The following ANKRD22 variants were observed in gnomAD, a reference collection of about 807,000 sequenced individuals.
The protein encoded by ANKRD22 is ankyrin repeat domain 22, also known as ankyrin repeat domain-containing protein 22.
Under a neutral mutation model 25.7 loss-of-function variants are expected in ANKRD22, and 24 were observed. The observed-to-expected ratio is 0.93, with a 90% confidence interval of 0.68 to 1.31. The LOEUF is 1.31. ANKRD22 is among the 50% of genes most tolerant of loss of function. The pLI is 0.00. For missense variants in ANKRD22, 214 were observed against 227.1 expected (o/e 0.94, Z 0.37); for synonymous variants, 84 against 84.3 (o/e 1.00, Z 0.02).
At chr10:88,841,301 G>A (rs1467408627) in intron 1 of ANKRD22, among the ~76,000 whole-genome samples, 1 of 151,994 alleles carries the variant, frequency 6.6e-6, no homozygotes, top group African/African-American at 2.4e-5. Flanking sequence ...CACCACAGAG[G>A]TATTCACAGA....
intron 1 of ANKRD22, among the ~76,000 whole-genome samples, chr10:88,834,933 A>C (rs1346084241): frequency 6.6e-6 from 1 of 151,608 alleles, no homozygotes; most frequent in Non-Finnish European, 1.5e-5. Context: ...TGCCTCAAAA[A>C]AAGAAAAAAA....
rs59890033 is a variant in ANKRD22, at chr10:88,822,566, T to TTTTTTTTTTTTTTTTTTTTTTTTTA, written c.*374_*375insTAAAAAAAAAAAAAAAAAAAAAAAA. ...GGGCTTTTTTTTTTTTTTTTTTTTT[T>TTTTTTTTTTTTTTTTTTTTTTTTTA]GAGACAGGGTCTCGCTGTGTTGCCC... On this transcript the variant is annotated 3_prime_UTR_variant, in exon 6 of 6. Coordinates refer to ENST00000371930, the MANE Select transcript of ANKRD22 (RefSeq NM_144590.3). 1 of 138,278 alleles carries TTTTTTTTTTTTTTTTTTTTTTTTTA rather than the reference T, an allele frequency of 7.2e-6. No homozygotes were observed. The highest frequency in any genetic ancestry group is 1.5e-5 in the Non-Finnish European group (1 of 65,436). The allele number at this position is 138,278 out of a possible 1,614,324, so 8.6% of individuals were successfully genotyped here. A position where few individuals can be genotyped will look rare whatever the true frequency, so the allele number is the denominator to read the frequency against.
chr10:88,830,366 C>T (rs898815374), intron 2 of ANKRD22, among the ~76,000 whole-genome samples: 1 of 152,072 alleles, frequency 6.6e-6, no homozygotes, highest in African/African-American at 2.4e-5. Flanking sequence ...ATTTAATTTG[C>T]TATCAATAGA....
At chr10:88,833,821 T>G (rs548573502) in intron 1 of ANKRD22, among the ~76,000 whole-genome samples, 2 of 152,358 alleles carry the variant, frequency 1.3e-5, no homozygotes, top group East Asian at 1.9e-4. Flanking sequence ...TTCCAACAGT[T>G]GGGCACTTCA....
chr10:88,846,459 T>C (rs990796363), intron 1 of ANKRD22, among the ~76,000 whole-genome samples: 1 of 152,178 alleles, frequency 6.6e-6, no homozygotes, highest in Non-Finnish European at 1.5e-5. Flanking sequence ...TTACTTTTGA[T>C]GAGAATTTTA....
chr10:88,845,890 T>C (rs1844043263), intron 1 of ANKRD22, among the ~76,000 whole-genome samples: 2 of 152,150 alleles, frequency 1.3e-5, no homozygotes, highest in Non-Finnish European at 2.9e-5. Flanking sequence ...GCATAAAATC[T>C]AAATTTTTCA....
chr10:88,826,288 G>A (rs1403421377), intron 3 of ANKRD22, among the ~76,000 whole-genome samples, 173 bp from the exon 4 acceptor site: 1 of 151,998 alleles, frequency 6.6e-6, no homozygotes, highest in Non-Finnish European at 1.5e-5. Context: ...ATTAATTAAA[G>A]CCAGGTTCTC....
In ANKRD22 at chr10:88,843,288, G is replaced by A. The variant is rs192493188; in HGVS notation, c.21+8299C>T. Reference sequence around the variant, plus strand: ...ATATATAGAAACGGGAAGTCCTGAGGTTGCTGAAAGACCTCATCCCACCTT... The same window carrying A: ...ATATATAGAAACGGGAAGTCCTGAGATTGCTGAAAGACCTCATCCCACCTT... On this transcript the variant is annotated intron_variant, in intron 1 of 5. Transcript: ENST00000371930. 9.2e-5 allele frequency among the ~76,000 whole-genome samples: 14 copies of A among 152,250 alleles called. No individual in the cohort carries two copies. In the East Asian group the frequency reaches 1.9e-3, roughly 21 times the overall value.
At chr10:88,823,706 T>C (rs1198381965) in intron 4 of ANKRD22, among the ~76,000 whole-genome samples, 2 of 151,644 alleles carry the variant, frequency 1.3e-5, no homozygotes, top group Non-Finnish European at 2.9e-5. Flanking sequence ...CGGGTGCCTG[T>C]AGTCCCAGCT....
chr10:88,823,610 G>A (rs1343224540), intron 4 of ANKRD22: 4 of 409,170 alleles, frequency 9.8e-6, no homozygotes, highest in South Asian at 6.8e-5. Context: ...GGCGGATCAC[G>A]AGGTCAGAGG....
At chr10:88,840,850 A>G (rs1843997166) in intron 1 of ANKRD22, among the ~76,000 whole-genome samples, 1 of 152,178 alleles carries the variant, frequency 6.6e-6, no homozygotes, top group Non-Finnish European at 1.5e-5. Context: ...ACTGTATTTT[A>G]TAAATTCCTT....
At chr10:88,834,857 C>G (rs575279005) in intron 1 of ANKRD22, among the ~76,000 whole-genome samples, 1 of 151,994 alleles carries the variant, frequency 6.6e-6, no homozygotes, top group Admixed American at 6.6e-5. Context: ...ACAGGAGAAT[C>G]GCTTGATTCG....
At chr10:88,849,839 T>C (rs890479320) in intron 1 of ANKRD22, among the ~76,000 whole-genome samples, 5 of 152,096 alleles carry the variant, frequency 3.3e-5, no homozygotes. Flanking sequence ...TCTAAGCTTA[T>C]CCTCTAGTGC....
At chr10:88,823,695 G>A (rs1427318104) in intron 4 of ANKRD22, among the ~76,000 whole-genome samples, 2 of 151,966 alleles carry the variant, frequency 1.3e-5, no homozygotes, top group East Asian at 3.9e-4. Context: ...GGGCGCGGTG[G>A]CGGGTGCCTG....
intron 1 of ANKRD22, among the ~76,000 whole-genome samples, chr10:88,833,699 C>T (rs1293953330): frequency 6.6e-6 from 1 of 152,226 alleles, no homozygotes; most frequent in Non-Finnish European, 1.5e-5. Flanking sequence ...AGGCAAACTT[C>T]TGTACCTTAA....
intron 1 of ANKRD22, among the ~76,000 whole-genome samples, chr10:88,842,850 G>T (rs1231748369): frequency 6.6e-6 from 1 of 152,122 alleles, no homozygotes; most frequent in East Asian, 1.9e-4. Flanking sequence ...TAGACATAGT[G>T]TTATGAATTG....
At chr10:88,840,604 C>G (rs375747109) in intron 1 of ANKRD22, among the ~76,000 whole-genome samples, 1 of 152,080 alleles carries the variant, frequency 6.6e-6, no homozygotes, top group South Asian at 2.1e-4. Flanking sequence ...TACAAGCTCC[C>G]CTCACTTAAA....
chr10:88,832,058 A>T, intron 1 of ANKRD22, 32 bp from the exon 2 acceptor site: 1 of 1,567,646 alleles, frequency 6.4e-7, no homozygotes. Context: ...CAGGTTTTGA[A>T]ATACTGGCAT....
In ANKRD22 at chr10:88,831,855, T is replaced by C; in HGVS notation, c.193A>G (p.Asn65Asp). ...CTCACCTGGTTTTTGAGGTTGACATTAGCATTTCTTCTTAAAAGGAAGGAA... is the reference window on the plus strand; with the variant it reads ...CTCACCTGGTTTTTGAGGTTGACATCAGCATTTCTTCTTAAAAGGAAGGAA... Reference protein sequence around the residue: ...IVSFLLRRNANVNLKNQKERT... With the variant: ...IVSFLLRRNADVNLKNQKERT... The change falls in exon 2 of 6, where the codon AAT (asparagine) becomes GAT (aspartate). Residue 65 changes from asparagine (N) to aspartate (D), a missense_variant. Physicochemically the swap from Asn to Asp is conservative, Grantham distance 23. Transcript: ENST00000371930. 6.2e-7 allele frequency: 1 copy of C among 1,610,450 alleles called. No individual in the cohort carries two copies. The highest frequency in any genetic ancestry group is 1.1e-5 in the South Asian group (1 of 90,462).
Sources: gnomAD v4.1 joint callset for allele counts (sites outside exome capture counted in the v4.1 genomes callset) on GRCh38, gnomAD v4.1.1 for gene constraint, MANE v1.5 for transcripts, NCBI Gene and HGNC (gene_info 2026-07-23, HGNC 2026-07-21) for gene names.